ST6GALNAC3: variants seen among roughly 807,000 people sequenced by gnomAD.
ST6GALNAC3 encodes ST6 N-acetylgalactosaminide alpha-2,6-sialyltransferase 3, also known as alpha-N-acetylgalactosaminide alpha-2,6-sialyltransferase 3.
In ST6GALNAC3, 25 loss-of-function variants were observed where a neutral mutation model predicts 32.7. The ratio of observed to expected loss-of-function variants is 0.76; its 90% confidence interval spans 0.56 to 1.07. The LOEUF (loss-of-function observed/expected upper bound fraction) is 1.07. ST6GALNAC3 is among the 50% of genes least tolerant of loss of function. The pLI is 0.00. For synonymous variants in ST6GALNAC3, 129 were observed against 133.1 expected, an observed-to-expected ratio of 0.97 and a Z score of 0.21; for missense variants, 355 against 382.4, an observed-to-expected ratio of 0.93 and a Z score of 0.60.
intron 2 of ST6GALNAC3, among the ~76,000 whole-genome samples, chr1:76,373,123 A>G (rs1359421283): frequency 6.6e-6 from 1 of 152,016 alleles, no homozygotes; most frequent in Admixed American, 6.6e-5. Flanking sequence ...AACAGATGGT[A>G]ACAGGAATGA....
At chr1:76,312,580 A>AT (rs1026915425) in intron 1 of ST6GALNAC3, among the ~76,000 whole-genome samples, 9 of 152,094 alleles carry the variant, frequency 5.9e-5, no homozygotes, top group African/African-American at 2.2e-4. Flanking sequence ...ATTTACAAAA[A>AT]AAAAATAAAA....
chr1:76,238,221 C>T (rs888662387), intron 1 of ST6GALNAC3, among the ~76,000 whole-genome samples: 2 of 152,190 alleles, frequency 1.3e-5, no homozygotes, highest in Non-Finnish European at 2.9e-5. Flanking sequence ...CTGGCTATTG[C>T]CTTGGATTCT....
intron 2 of ST6GALNAC3, among the ~76,000 whole-genome samples, chr1:76,351,936 G>A (rs557839906): frequency 3.9e-5 from 6 of 152,242 alleles, no homozygotes; most frequent in Non-Finnish European, 7.4e-5. Flanking sequence ...GGAGGTTGGG[G>A]TGGGGGAAGG....
intron 1 of ST6GALNAC3, among the ~76,000 whole-genome samples, chr1:76,161,425 T>C (rs1022993312): frequency 5.9e-5 from 9 of 152,188 alleles, no homozygotes; most frequent in Non-Finnish European, 1.2e-4. Flanking sequence ...TTCCTGACCC[T>C]TGCTGCTTGC....
chr1:76,159,494 G>A (rs1388922880), intron 1 of ST6GALNAC3, among the ~76,000 whole-genome samples: 1 of 152,184 alleles, frequency 6.6e-6, no homozygotes, highest in East Asian at 1.9e-4. Flanking sequence ...TGGGCCCTGA[G>A]TCAGTTTCTG....
chr1:76,472,791 C>G (rs1209304023), intron 3 of ST6GALNAC3, among the ~76,000 whole-genome samples: 1 of 151,814 alleles, frequency 6.6e-6, no homozygotes, highest in African/African-American at 2.4e-5. Context: ...GTTGAGACTA[C>G]TTTTGAAGCT....
At chr1:76,447,711 G>T (rs1347150004) in intron 3 of ST6GALNAC3, among the ~76,000 whole-genome samples, 3 of 152,154 alleles carry the variant, frequency 2.0e-5, no homozygotes, top group African/African-American at 7.2e-5. Context: ...TACAGCTTGG[G>T]CAGTTGCTTC....
chr1:76,082,103 G>A (rs149243491), intron 1 of ST6GALNAC3, among the ~76,000 whole-genome samples: 55 of 152,356 alleles, frequency 3.6e-4, no homozygotes, highest in African/African-American at 1.2e-3. Context: ...ACGACTGAGC[G>A]AAGTTATGAA....
At chr1:76,149,967 TG>T (rs1201262958) in intron 1 of ST6GALNAC3, among the ~76,000 whole-genome samples, 12 of 152,198 alleles carry the variant, frequency 7.9e-5, no homozygotes, top group Non-Finnish European at 1.6e-4. Flanking sequence ...AGAGCTCACC[TG>T]GTTGATTCCT....
At chr1:76,313,758 G>A (rs1646813298) in intron 1 of ST6GALNAC3, 47 bp from the exon 2 acceptor site, 1 of 1,598,624 alleles carries the variant, frequency 6.3e-7, no homozygotes, top group South Asian at 1.1e-5. Context: ...GACTGCCTTT[G>A]GTTGAAAGTC....
intron 1 of ST6GALNAC3, among the ~76,000 whole-genome samples, chr1:76,152,674 A>G (rs1384050995): frequency 2.0e-5 from 3 of 152,182 alleles, no homozygotes; most frequent in African/African-American, 4.8e-5. Flanking sequence ...TTCAATTTAA[A>G]CCGTAAACAT....
At chr1:76,129,958 G>T (rs140001916) in intron 1 of ST6GALNAC3, among the ~76,000 whole-genome samples, 89 of 152,162 alleles carry the variant, frequency 5.8e-4, no homozygotes, top group Non-Finnish European at 9.4e-4. Context: ...TGCATTCTTG[G>T]CTTCTGTGTC....
chr1:76,148,980 G>A (rs539857165), intron 1 of ST6GALNAC3, among the ~76,000 whole-genome samples: 15 of 152,256 alleles, frequency 9.9e-5, no homozygotes, highest in South Asian at 8.3e-4. Flanking sequence ...GTCAATTCCC[G>A]TTGCCGAGCC....
intron 3 of ST6GALNAC3, among the ~76,000 whole-genome samples, chr1:76,599,887 C>T (rs953361376): frequency 6.6e-6 from 1 of 151,854 alleles, no homozygotes; most frequent in South Asian, 2.1e-4. Flanking sequence ...AATTTTATAT[C>T]CTATGTGCTG....
intron 3 of ST6GALNAC3, among the ~76,000 whole-genome samples, chr1:76,441,677 T>C (rs1249374859): frequency 6.6e-6 from 1 of 152,186 alleles, no homozygotes; most frequent in African/African-American, 2.4e-5. Context: ...TTATTGACTA[T>C]AGTCACCCTT....
chr1:76,526,858 C>G (rs546071328), intron 3 of ST6GALNAC3, among the ~76,000 whole-genome samples: 1 of 151,966 alleles, frequency 6.6e-6, no homozygotes, highest in African/African-American at 2.4e-5. Flanking sequence ...TTATGATGTT[C>G]GGTCTTTAAT....
intron 3 of ST6GALNAC3, among the ~76,000 whole-genome samples, chr1:76,500,860 T>C (rs974913504): frequency 3.3e-5 from 5 of 152,196 alleles, no homozygotes. Context: ...ATTCAAGATA[T>C]ATTCTGAAGT....
intron 1 of ST6GALNAC3, among the ~76,000 whole-genome samples, chr1:76,280,303 C>T (rs1044214636): frequency 2.6e-5 from 4 of 152,084 alleles, no homozygotes; most frequent in Admixed American, 6.5e-5. Context: ...GGTATATTCT[C>T]AAAAATATGT....
At chr1:76,304,998 C>T (rs572195291) in intron 1 of ST6GALNAC3, among the ~76,000 whole-genome samples, 13 of 152,128 alleles carry the variant, frequency 8.5e-5, no homozygotes, top group African/African-American at 3.1e-4. Flanking sequence ...GCACCTGTTC[C>T]GATTACCTTC....
Sources: gnomAD v4.1 joint callset for allele counts (sites outside exome capture counted in the v4.1 genomes callset) on GRCh38, gnomAD v4.1.1 for gene constraint, MANE v1.5 for transcripts, NCBI Gene and HGNC (gene_info 2026-07-23, HGNC 2026-07-21) for gene names.